ZNF804B: variants seen among roughly 807,000 people sequenced by gnomAD.
The protein encoded by ZNF804B is zinc finger 804B.
ZNF804B carries 80 observed loss-of-function variants against 101.4 expected under a neutral mutation model. The observed-to-expected ratio is 0.79, with a 90% CI of 0.66 to 0.95. ZNF804B has a LOEUF of 0.95. Among genes scored for constraint, ZNF804B ranks in the 40% least tolerant of loss-of-function variants. ZNF804B has a pLI of 0.00. For synonymous variants in ZNF804B, 622 were observed against 558.8 expected, an observed-to-expected ratio of 1.11 and a Z score of -1.59; for missense variants, 1,673 against 1,561.9, an observed-to-expected ratio of 1.07 and a Z score of -1.20.
intron 1 of ZNF804B, among the ~76,000 whole-genome samples, chr7:88,938,696 T>C (rs1793009950): frequency 6.6e-6 from 1 of 151,954 alleles, no homozygotes; most frequent in East Asian, 1.9e-4. Context: ...AGTGGAAGTC[T>C]CATCAGCAAA....
chr7:89,135,031 G>A (rs894349272), intron 1 of ZNF804B, among the ~76,000 whole-genome samples: 1 of 151,966 alleles, frequency 6.6e-6, no homozygotes, highest in East Asian at 1.9e-4. Flanking sequence ...TTGTTAAATC[G>A]TTCTACATAG....
At chr7:89,318,080 T>C (rs38954) in intron 2 of ZNF804B, among the ~76,000 whole-genome samples, 16,940 of 152,248 alleles carry the variant, frequency 0.11, 970 homozygotes, top group Non-Finnish European at 0.12. Context: ...ACCTCATTTA[T>C]GGTGATTAAA....
intron 1 of ZNF804B, among the ~76,000 whole-genome samples, chr7:89,119,830 A>G (rs1790372388): frequency 6.6e-6 from 1 of 152,240 alleles, no homozygotes; most frequent in African/African-American, 2.4e-5. Flanking sequence ...TTAAAAATAC[A>G]TAATTAAAAA....
At chr7:88,899,850 G>A (rs949458627) in intron 1 of ZNF804B, among the ~76,000 whole-genome samples, 6 of 151,940 alleles carry the variant, frequency 3.9e-5, no homozygotes, top group African/African-American at 1.5e-4. Context: ...CTTTTAAGAC[G>A]GAAAAGAAGG....
chr7:89,145,947 T>C (rs1215749092), intron 1 of ZNF804B, among the ~76,000 whole-genome samples: 1 of 152,078 alleles, frequency 6.6e-6, no homozygotes, highest in Non-Finnish European at 1.5e-5. Context: ...CATTAGCTAA[T>C]CTCAAAAACT....
intron 1 of ZNF804B, among the ~76,000 whole-genome samples, chr7:89,130,568 G>A (rs1339449350): frequency 6.6e-6 from 1 of 151,870 alleles, no homozygotes; most frequent in Non-Finnish European, 1.5e-5. Flanking sequence ...ACCCCTGAAG[G>A]TTAGAAATAG....
At position 88,892,421 on chromosome 7, in the gene ZNF804B, T is replaced by C. The variant is rs1485333101; in HGVS notation, c.108+132337T>C. Reference sequence around the variant, plus strand: ...TTTTTGGGGAGTATCTTTCTAGCTTTATAAACAAGTTTTTTCCTTCTCTCC... The same window carrying C: ...TTTTTGGGGAGTATCTTTCTAGCTTCATAAACAAGTTTTTTCCTTCTCTCC... On this transcript the variant is annotated intron_variant, in intron 1 of 3. Transcript: ENST00000333190. 2.0e-5 allele frequency among the ~76,000 whole-genome samples: 3 copies of C among 152,142 alleles called. 1 individual carries two copies. The highest frequency in any genetic ancestry group is 2.0e-4 in the Admixed American group (3 of 15,246).
intron 1 of ZNF804B, among the ~76,000 whole-genome samples, chr7:89,049,904 C>T (rs964486465): frequency 3.9e-5 from 6 of 151,926 alleles, no homozygotes; most frequent in Non-Finnish European, 7.4e-5. Context: ...CCCAGCTACT[C>T]GGGAGGTTGA....
intron 1 of ZNF804B, among the ~76,000 whole-genome samples, chr7:88,979,406 G>A (rs575125517): frequency 9.9e-5 from 15 of 151,936 alleles, no homozygotes; most frequent in African/African-American, 2.9e-4. Flanking sequence ...TTCTGGGAAA[G>A]TCTTTATTTC....
intron 1 of ZNF804B, among the ~76,000 whole-genome samples, chr7:89,180,536 T>C (rs7779011): frequency 0.17 from 26,133 of 151,882 alleles, 2,318 homozygotes; most frequent in Admixed American, 0.22. Flanking sequence ...GGCTCCCTCC[T>C]GGCTCAAGGT....
At chr7:89,242,590 C>T (rs1381078710) in intron 2 of ZNF804B, among the ~76,000 whole-genome samples, 1 of 151,258 alleles carries the variant, frequency 6.6e-6, no homozygotes, top group African/African-American at 2.4e-5. Context: ...ATATTTTTTA[C>T]TTTAGACACA....
rs776965163 is a variant in ZNF804B at position 89,176,585 on chromosome 7, TTCTTTC to T, written c.109-41568_109-41563del. Reference sequence around the variant, plus strand: ...TCTTTTCTTTTTTTTCTTTCTTTCTTTCTTTCTTTTTTTTTTTTTTTTTCATGTTTC... The same window carrying T: ...TCTTTTCTTTTTTTTCTTTCTTTCTTTTTTTTTTTTTTTTTTTCATGTTTC... On this transcript the variant is annotated intron_variant, in intron 1 of 3. Transcript: ENST00000333190. 3.4e-4 allele frequency among the ~76,000 whole-genome samples: 40 copies of T among 119,330 alleles called. 1 individual carries two copies. Among genetic ancestry groups the T allele is most frequent in the East Asian group, 1.5e-3 (7 of 4,652 alleles). The allele number at this position is 119,330 out of a possible 152,430, so 78.3% of individuals were successfully genotyped here. A position where few individuals can be genotyped will look rare whatever the true frequency, so the allele number is the denominator to read the frequency against.
intron 1 of ZNF804B, among the ~76,000 whole-genome samples, chr7:88,817,904 T>A (rs1172789990): frequency 1.3e-5 from 2 of 152,224 alleles, no homozygotes; most frequent in Non-Finnish European, 2.9e-5. Flanking sequence ...ATTGTCCTCC[T>A]CTTTATAGAT....
intron 2 of ZNF804B, among the ~76,000 whole-genome samples, chr7:89,274,603 A>C (rs1217599917): frequency 2.6e-5 from 4 of 151,700 alleles, no homozygotes; most frequent in African/African-American, 7.3e-5. Context: ...GAAAATACAC[A>C]TAATGATCCT....
intron 2 of ZNF804B, among the ~76,000 whole-genome samples, chr7:89,288,849 A>G (rs1317290143): frequency 6.6e-6 from 1 of 152,220 alleles, no homozygotes; most frequent in African/African-American, 2.4e-5. Context: ...GTAAATATAA[A>G]AGATGATTGA....
rs1484129779 is a variant in ZNF804B, at chr7:88,920,788, A to G, written c.108+160704A>G. Among the ~76,000 whole-genome samples the G allele has an allele frequency of 4.6e-5, 7 of 152,252 alleles. No individual in the cohort carries two copies. In the East Asian group the frequency reaches 1.4e-3, roughly 29 times the overall value. ...TATTAATTAATTCATCCATGCATAT[A>G]TTTACTCAGCATTTCAATGCAAATA... On this transcript the variant is annotated intron_variant, in intron 1 of 3. Transcript: ENST00000333190.
Position 89,333,488 on chromosome 7 carries a change from A to G in ZNF804B, c.506A>G (p.Lys169Arg). 1 of 1,613,364 alleles carries G rather than the reference A, an allele frequency of 6.2e-7. No individual in the cohort carries two copies. The highest frequency in any genetic ancestry group is 8.5e-7 in the Non-Finnish European group (1 of 1,179,572). Residue 169 changes from lysine to arginine, a missense_variant, in exon 4 of 4, where the codon AAA becomes AGA. Coordinates refer to ENST00000333190, the MANE Select transcript of ZNF804B (RefSeq NM_181646.5). ...TGCATGAAGAGTGCTCTTCTCCTTAAAGGAAAAAATCTCCCCAGAATCATA... is the reference window on the plus strand; with the variant it reads ...TGCATGAAGAGTGCTCTTCTCCTTAGAGGAAAAAATCTCCCCAGAATCATA... ...VSCMKSALLLKGKNLPRIISD... is the reference protein window; with the variant it reads ...VSCMKSALLLRGKNLPRIISD...
intron 1 of ZNF804B, among the ~76,000 whole-genome samples, chr7:89,200,782 C>A (rs1280316442): frequency 6.6e-6 from 1 of 152,002 alleles, no homozygotes; most frequent in African/African-American, 2.4e-5. Context: ...GCACCGCAAC[C>A]CTGATTCTTT....
At chr7:89,043,971 A>G (rs1789060594) in intron 1 of ZNF804B, among the ~76,000 whole-genome samples, 1 of 152,228 alleles carries the variant, frequency 6.6e-6, no homozygotes, top group South Asian at 2.1e-4. Flanking sequence ...TATATACACA[A>G]TAGAATACTA....
Sources: allele counts gnomAD v4.1 joint callset (sites outside exome capture counted in the v4.1 genomes callset), GRCh38; gene constraint gnomAD v4.1.1; transcripts MANE v1.5; gene names NCBI Gene and HGNC (gene_info 2026-07-23, HGNC 2026-07-21).